STKLD1: variants seen among roughly 807,000 people sequenced by gnomAD.
The protein encoded by STKLD1 is serine/threonine kinase-like domain-containing protein STKLD1.
In STKLD1, 79 loss-of-function variants were observed where a neutral mutation model predicts 80.4. The ratio of observed to expected loss-of-function variants is 0.98; its 90% CI spans 0.82 to 1.19. The LOEUF is 1.19. Ranked by LOEUF, STKLD1 falls within the 50% of genes most tolerant of loss-of-function variation. The pLI, the probability that STKLD1 is intolerant of heterozygous loss-of-function variation, is 0.00. For missense variants in STKLD1, 841 were observed against 856.0 expected, an observed-to-expected ratio of 0.98 and a Z score of 0.22; for synonymous variants, 393 against 357.6, an observed-to-expected ratio of 1.10 and a Z score of -1.12.
intron 8 of STKLD1, among the ~76,000 whole-genome samples, chr9:133,395,313 C>T (rs1838531062): frequency 6.6e-6 from 1 of 152,110 alleles, no homozygotes; most frequent in Non-Finnish European, 1.5e-5. Context: ...CATGCTCACA[C>T]TCTGTGAAAT....
At position 133,401,878 on chromosome 9, in the gene STKLD1, G is replaced by A. The variant is rs1554777741; in HGVS notation, c.1339G>A (p.Glu447Lys). ...YSLLAITTTQESESLSEELQN... is the reference protein window; with the variant it reads ...YSLLAITTTQKSESLSEELQN... ...CCTGCTAGCCATCACCACAACCCAGGGTGTGTCTGCCAGCCACCTCCTGCC... is the reference window on the plus strand; with the variant it reads ...CCTGCTAGCCATCACCACAACCCAGAGTGTGTCTGCCAGCCACCTCCTGCC... Residue 447 changes from glutamate (E) to lysine (K), a missense_variant and splice_region_variant, in exon 13 of 18, where the codon GAG becomes AAG. By Grantham distance (56) the Glu-to-Lys change is moderately conservative. Transcript: ENST00000371957. 1.3e-5 allele frequency: 21 copies of A among 1,612,854 alleles called. No individual in the cohort carries two copies.
intron 7 of STKLD1, among the ~76,000 whole-genome samples, chr9:133,393,191 C>CATGGATGGATGGATGG (rs1276349804): frequency 0.014 from 1,306 of 90,744 alleles, 19 homozygotes; most frequent in Non-Finnish European, 0.02. Context: ...TGGATGAGTG[C>CATGGATGGATGGATGG]ATGGATGGAT....
At chr9:133,379,747 G>C (rs1198201605) in intron 2 of STKLD1, among the ~76,000 whole-genome samples, 1 of 152,226 alleles carries the variant, frequency 6.6e-6, no homozygotes, top group African/African-American at 2.4e-5. Context: ...CAGATCAACA[G>C]AGGGACTAGG....
At position 133,405,453 on chromosome 9, in the gene STKLD1, G is replaced by C. The variant is rs1318110735; in HGVS notation, c.*32G>C. 6.4e-7 allele frequency: 1 copy of C among 1,563,142 alleles called. No individual in the cohort carries two copies. On this transcript the variant is annotated 3_prime_UTR_variant, in exon 18 of 18. Coordinates refer to ENST00000371957, the MANE Select transcript of STKLD1 (RefSeq NM_153710.5). ...GTATGGAACTGACCTTGATCTCCAC[G>C]TGTATAGTTTTCAAGACTGCTCTCC...
rs2130290833 is a variant in STKLD1, at chr9:133,392,028, G to T, written c.583+1232G>T. Among the ~76,000 whole-genome samples the T allele has an allele frequency of 6.6e-5, 10 of 151,756 alleles. No homozygotes were observed. The South Asian group carries it at 1.2e-3, about 19-fold the overall frequency. On this transcript the variant is annotated intron_variant, in intron 7 of 17. Transcript: ENST00000371957. ...GGGGCTGGAGAGATCAACCACAGAG[G>T]AGGAGTCCAGAGTCCCAGGATGGCA...
intron 2 of STKLD1, among the ~76,000 whole-genome samples, chr9:133,381,332 T>C (rs1838127904): frequency 6.6e-6 from 1 of 151,772 alleles, no homozygotes; most frequent in South Asian, 2.1e-4. Context: ...AGACGGGGTT[T>C]CTCCATCAAC....
At chr9:133,391,498 CTT>C (rs1333660197) in intron 7 of STKLD1, among the ~76,000 whole-genome samples, 3 of 151,406 alleles carry the variant, frequency 2.0e-5, no homozygotes, top group African/African-American at 7.3e-5. Context: ...ACATGGGAGA[CTT>C]TTCATTTTGT....
rs201564402 is a variant in STKLD1 at position 133,395,750 on chromosome 9, C to T, written c.853C>T (p.Arg285Ter). 1.6e-4 allele frequency: 262 copies of T among 1,613,266 alleles called. No homozygotes were observed. Among genetic ancestry groups the T allele is most frequent in the Non-Finnish European group, 1.9e-4 (228 of 1,179,968 alleles). The part of the protein sequence containing the change: ...PLMLQIDPSD[R>*]ITIKDVVHIT... ...GATGCTCCAGATCGACCCCTCGGAT[C>T]GAATAACGATAAAGTGAGCTCAGGG... The change falls in exon 9 of 18, where the codon CGA becomes TGA. Residue 285 changes from arginine (R) to a stop codon, truncating the protein, a stop_gained. Transcript: ENST00000371957. LOFTEE classifies it high-confidence loss of function.
chr9:133,385,048 C>A lies in STKLD1; in HGVS notation c.220-569C>A, dbSNP rs1009942578. ...AAAGAGCATGGGGCCTGCCCAGAGCCGCACGCCGCCGTGGCTTTTCACGTT... is the reference window on the plus strand; with the variant it reads ...AAAGAGCATGGGGCCTGCCCAGAGCAGCACGCCGCCGTGGCTTTTCACGTT... On this transcript the variant is annotated intron_variant, in intron 3 of 17. Coordinates refer to ENST00000371957, the MANE Select transcript of STKLD1 (RefSeq NM_153710.5). The surrounding 1 kb of genome is among the most constrained non-coding windows in gnomAD (Gnocchi z 4.9). 6.6e-6 allele frequency among the ~76,000 whole-genome samples: 1 copy of A among 152,074 alleles called. No individual in the cohort carries two copies. The highest frequency in any genetic ancestry group is 2.4e-5 in the African/African-American group (1 of 41,364).
chr9:133,401,674 G>T, intron 12 of STKLD1, 64 bp from the exon 13 acceptor site: 1 of 1,546,912 alleles, frequency 6.5e-7, no homozygotes, highest in Non-Finnish European at 8.7e-7. Flanking sequence ...TGTGAGCCTT[G>T]TGTGTCTGGC....
intron 10 of STKLD1, among the ~76,000 whole-genome samples, chr9:133,397,675 C>G (rs1307843625): frequency 6.6e-6 from 1 of 152,206 alleles, no homozygotes; most frequent in East Asian, 1.9e-4. Context: ...AGGACATCTT[C>G]CTCACACAGC....
At chr9:133,404,261 C>T (rs957327735) in intron 16 of STKLD1, among the ~76,000 whole-genome samples, 5 of 152,222 alleles carry the variant, frequency 3.3e-5, no homozygotes, top group Non-Finnish European at 7.3e-5. Flanking sequence ...CGTTATGCTA[C>T]CCTGTGACCC....
intron 2 of STKLD1, among the ~76,000 whole-genome samples, chr9:133,381,187 G>A (rs1232080279): frequency 7.9e-6 from 1 of 126,068 alleles, no homozygotes; most frequent in Non-Finnish European, 1.6e-5. Context: ...TGCCCAGGCT[G>A]GAGTACAGTG....
At chr9:133,401,540 G>A (rs902649199) in intron 12 of STKLD1, among the ~76,000 whole-genome samples, 198 bp from the exon 13 acceptor site, 3 of 152,284 alleles carry the variant, frequency 2.0e-5, no homozygotes, top group African/African-American at 4.8e-5. Flanking sequence ...TGGCCTGGCC[G>A]GGCAGGGCTC....
Position 133,385,667 on chromosome 9 carries a change from G to T in STKLD1, c.270G>T (p.Glu90Asp). The change falls in exon 4 of 18, where the codon GAG (glutamate) becomes GAT (aspartate). Residue 90 changes from glutamate (E) to aspartate (D), a missense_variant. Transcript: ENST00000371957. The surrounding 1 kb of genome is among the most constrained non-coding windows in gnomAD (Gnocchi z 4.9). ...ACGCCCACATCTCTGTGTACCAGGA[G>T]CTGTTCATCACGTGGAATGGGGAGG... is the stretch of plus-strand genomic sequence containing the variant. ...LRHAHISVYQELFITWNGEIS... is the reference protein window; with the variant it reads ...LRHAHISVYQDLFITWNGEIS... 5 of 1,613,284 alleles carry T rather than the reference G, an allele frequency of 3.1e-6. No homozygotes were observed. The highest frequency in any genetic ancestry group is 4.2e-6 in the Non-Finnish European group (5 of 1,179,990).
chr9:133,400,603 AGGTGGGCACCGGGCCG>A (rs1838678033), intron 12 of STKLD1, 74 bp downstream of exon 12: 1 of 1,273,454 alleles, frequency 7.9e-7, no homozygotes. Flanking sequence ...TCCTGGGCCA[AGGTGGGCACCGGGCCG>A]GGTGGGTTAG....
At chr9:133,404,508 C>G (rs1554778298) in intron 16 of STKLD1, among the ~76,000 whole-genome samples, 1 of 152,214 alleles carries the variant, frequency 6.6e-6, no homozygotes, top group African/African-American at 2.4e-5. Context: ...TGGTGCCTGG[C>G]AACTCCGGGC....
rs782352867 is a variant in STKLD1 at position 133,403,021 on chromosome 9, C to T, written c.1474+9C>T. The T allele has an allele frequency of 1.9e-6, 3 of 1,558,658 alleles. No individual in the cohort carries two copies. Among genetic ancestry groups the T allele is most frequent in the Middle Eastern group, 2.2e-4 (1 of 4,488 alleles). On this transcript the variant is annotated intron_variant, in intron 14 of 17. Transcript: ENST00000371957. ...GGCCCTCCTGCTGGACGGTGAGGGGCCCTCCTCCTGCTGTCCCACCGGGGC... is the reference window on the plus strand; with the variant it reads ...GGCCCTCCTGCTGGACGGTGAGGGGTCCTCCTCCTGCTGTCCCACCGGGGC...
At chr9:133,404,978 G>T (rs1554778445) in intron 17 of STKLD1, 49 bp downstream of exon 17, 1 of 1,598,384 alleles carries the variant, frequency 6.3e-7, no homozygotes, top group Admixed American at 1.8e-5. Flanking sequence ...GCGGTCAGGG[G>T]TGCCCCGCTC....
Sources: allele counts gnomAD v4.1 joint callset (sites outside exome capture counted in the v4.1 genomes callset), GRCh38; gene constraint gnomAD v4.1.1; non-coding constraint Gnocchi (gnomAD v3.1); transcripts MANE v1.5; gene names NCBI Gene and HGNC (gene_info 2026-07-23, HGNC 2026-07-21).